RBFOX2: variants seen among roughly 807,000 people sequenced by gnomAD.
RBFOX2 encodes RNA binding fox-1 homolog 2.
Under a neutral mutation model 49.1 loss-of-function variants are expected in RBFOX2, and 10 were observed. That is an observed-to-expected ratio of 0.20 (90% CI 0.13 to 0.35). The LOEUF is 0.35. Among genes scored for constraint, RBFOX2 ranks in the 10% least tolerant of loss-of-function variants. The pLI, the probability that RBFOX2 is intolerant of heterozygous loss-of-function variation, is 1.00. For missense variants in RBFOX2, 323 were observed against 486.9 expected (o/e 0.66, Z 3.17); for synonymous variants, 183 against 187.4 (o/e 0.98, Z 0.19).
At position 35,775,841 on chromosome 22, in the gene RBFOX2, C is replaced by CAAAAAAAAAAAA. The variant is rs753116056; in HGVS notation, c.453+2172_453+2183dup. On this transcript the variant is annotated intron_variant, in intron 4 of 11. Coordinates refer to ENST00000405409, the Ensembl canonical transcript of RBFOX2. The stretch of plus-strand genomic sequence containing the variant: ...TGGGCAACAGAGCGAGAATCTGCCT[C>CAAAAAAAAAAAA]AAAAAAAAAAAAAAAAAAAAGAAAA... Among the ~76,000 whole-genome samples the CAAAAAAAAAAAA allele has an allele frequency of 2.3e-4, 13 of 56,134 alleles. No homozygotes were observed. In the East Asian group the frequency reaches 2.5e-3, roughly 11 times the overall value. The allele number at this position is 56,134 out of a possible 152,430, so 36.8% of individuals were successfully genotyped here.
intron 1 of RBFOX2, among the ~76,000 whole-genome samples, chr22:35,899,185 A>ACATAAC: frequency 6.6e-6 from 1 of 151,862 alleles, no homozygotes; most frequent in East Asian, 1.9e-4. Flanking sequence ...AACAAACATA[A>ACATAAC]AAAATAAAAT....
At chr22:35,945,688 C>T (rs1457630409) in intron 1 of RBFOX2, among the ~76,000 whole-genome samples, 1 of 152,270 alleles carries the variant, frequency 6.6e-6, no homozygotes, top group Non-Finnish European at 1.5e-5. Context: ...AGTCCTGCCT[C>T]GGCCTCCCAA....
chr22:35,949,784 G>A (rs952955163), intron 1 of RBFOX2, among the ~76,000 whole-genome samples: 1 of 152,104 alleles, frequency 6.6e-6, no homozygotes, highest in African/African-American at 2.4e-5. Context: ...TTGTTGAGTT[G>A]TAAAAGTTCT....
chr22:35,837,667 G>A (rs149550740), intron 1 of RBFOX2, among the ~76,000 whole-genome samples: 2 of 152,144 alleles, frequency 1.3e-5, no homozygotes, highest in East Asian at 1.9e-4. Context: ...AAACAAATAC[G>A]CTGGAATACT....
chr22:35,835,788 G>A (rs1957549079), intron 1 of RBFOX2, among the ~76,000 whole-genome samples: 1 of 152,162 alleles, frequency 6.6e-6, no homozygotes, highest in Non-Finnish European at 1.5e-5. Context: ...CTTCATTTAT[G>A]AAATTCTGTT....
intron 1 of RBFOX2, among the ~76,000 whole-genome samples, chr22:35,921,170 A>G (rs2050981896): frequency 6.6e-6 from 1 of 152,218 alleles, no homozygotes; most frequent in African/African-American, 2.4e-5. Context: ...GACTTTGGCA[A>G]ATCACTTAAT....
chr22:35,810,241 G>A lies in RBFOX2; in HGVS notation c.28-237C>T, dbSNP rs150292589. The stretch of plus-strand genomic sequence containing the variant: ...CACACACACTCACTTTTGTTAATGT[G>A]TAGTTACTAGACAGGCCCACAACCA... On this transcript the variant is annotated intron_variant, in intron 1 of 11. Coordinates refer to ENST00000405409, the Ensembl canonical transcript of RBFOX2. Among the ~76,000 whole-genome samples, 867 of 147,482 alleles carry A rather than the reference G, an allele frequency of 5.9e-3. 4 individuals carry two copies. Among genetic ancestry groups the A allele is most frequent in the African/African-American group, 0.021 (832 of 39,706 alleles).
At chr22:35,885,640 T>C (rs776083502) in intron 1 of RBFOX2, among the ~76,000 whole-genome samples, 5 of 151,998 alleles carry the variant, frequency 3.3e-5, no homozygotes, top group Non-Finnish European at 5.9e-5. Context: ...GAAAAATAAT[T>C]TGACAGTTAT....
At chr22:36,008,747 G>T (rs796268775) in intron 1 of RBFOX2, among the ~76,000 whole-genome samples, 1 of 152,246 alleles carries the variant, frequency 6.6e-6, no homozygotes, top group Admixed American at 6.5e-5. Flanking sequence ...GAACCTGGGA[G>T]GGGGAGGTTG....
At chr22:35,985,925 T>C (rs976675451) in intron 1 of RBFOX2, among the ~76,000 whole-genome samples, 1 of 151,628 alleles carries the variant, frequency 6.6e-6, no homozygotes, top group African/African-American at 2.4e-5. Context: ...GATAGATAGA[T>C]AGATAGATAG....
At chr22:35,983,645 T>C (rs1043841392) in intron 1 of RBFOX2, among the ~76,000 whole-genome samples, 1 of 152,144 alleles carries the variant, frequency 6.6e-6, no homozygotes, top group African/African-American at 2.4e-5. Flanking sequence ...CACAAAAAAA[T>C]TTCCTAGATC....
intron 1 of RBFOX2, among the ~76,000 whole-genome samples, chr22:35,887,703 G>T (rs998744371): frequency 1.9e-4 from 29 of 151,940 alleles, no homozygotes; most frequent in Admixed American, 3.3e-4. Flanking sequence ...CATCTCCATT[G>T]TTAGTCTTAT....
intron 2 of RBFOX2, among the ~76,000 whole-genome samples, chr22:35,793,256 T>G (rs1948132351): frequency 6.6e-6 from 1 of 152,070 alleles, no homozygotes; most frequent in South Asian, 2.1e-4. Context: ...CGCCTGTAAT[T>G]CCAGCTACTT....
intron 2 of RBFOX2, among the ~76,000 whole-genome samples, chr22:35,790,277 A>G (rs1947334358): frequency 6.6e-6 from 1 of 152,220 alleles, no homozygotes; most frequent in Non-Finnish European, 1.5e-5. Flanking sequence ...ATTTCAAGTG[A>G]AGAAGGGCCT....
At chr22:35,897,263 C>A in intron 1 of RBFOX2, 1 of 1,501,562 alleles carries the variant, frequency 6.7e-7, no homozygotes, top group Non-Finnish European at 9.3e-7. Context: ...TCGGGAGGCA[C>A]TAAATGTTGA....
intron 9 of RBFOX2, among the ~76,000 whole-genome samples, chr22:35,754,426 T>A (rs142226912): frequency 2.6e-5 from 4 of 152,306 alleles, no homozygotes; most frequent in African/African-American, 9.6e-5. Flanking sequence ...ATAAATAGGT[T>A]GTATTTAAGA....
intron 1 of RBFOX2, among the ~76,000 whole-genome samples, chr22:35,925,125 G>A (rs1387171169): frequency 2.0e-5 from 3 of 152,022 alleles, no homozygotes; most frequent in Non-Finnish European, 4.4e-5. Flanking sequence ...TCAGGAGGCA[G>A]AGGTTGCAGT....
intron 1 of RBFOX2, among the ~76,000 whole-genome samples, chr22:35,863,672 T>C (rs2043350326): frequency 6.6e-6 from 1 of 152,190 alleles, no homozygotes; most frequent in Non-Finnish European, 1.5e-5. Context: ...CATTCAGACC[T>C]GTAATCTCTT....
At chr22:35,789,350 C>CT (rs1186747256) in intron 2 of RBFOX2, among the ~76,000 whole-genome samples, 9 of 152,078 alleles carry the variant, frequency 5.9e-5, no homozygotes, top group African/African-American at 2.2e-4. Context: ...CAAGACCAGC[C>CT]TGGCCAGCAT....
Sources: gnomAD v4.1 joint callset for allele counts (sites outside exome capture counted in the v4.1 genomes callset) on GRCh38, gnomAD v4.1.1 for gene constraint, MANE v1.5 for transcripts, NCBI Gene and HGNC (gene_info 2026-07-23, HGNC 2026-07-21) for gene names.